KIDINS220: variants seen among roughly 807,000 people sequenced by gnomAD.
KIDINS220 encodes kinase D interacting substrate 220.
Under a neutral mutation model 157.6 loss-of-function variants are expected in KIDINS220, and 63 were observed. That is an observed-to-expected ratio of 0.40 (90% CI 0.33 to 0.49). The LOEUF is 0.49. Among genes scored for constraint, KIDINS220 ranks in the 20% least tolerant of loss-of-function variants. The pLI is 0.66. For missense variants in KIDINS220, 1,772 were observed against 2,171.2 expected (o/e 0.82, Z 3.65); for synonymous variants, 732 against 783.6 (o/e 0.93, Z 1.10).
At chr2:8,826,457 A>G (rs1678823917) in intron 2 of KIDINS220, among the ~76,000 whole-genome samples, 1 of 152,050 alleles carries the variant, frequency 6.6e-6, no homozygotes, top group African/African-American at 2.4e-5. Context: ...AAAACTACAA[A>G]ATTAGCCGAG....
intron 13 of KIDINS220, among the ~76,000 whole-genome samples, chr2:8,790,421 T>C (rs1392065996): frequency 6.6e-6 from 1 of 152,134 alleles, no homozygotes; most frequent in East Asian, 1.9e-4. Flanking sequence ...CATGCAAAAA[T>C]AAAAACTATA....
At chr2:8,789,031 G>A (rs1211071005) in intron 14 of KIDINS220, among the ~76,000 whole-genome samples, 3 of 152,082 alleles carry the variant, frequency 2.0e-5, no homozygotes, top group Non-Finnish European at 4.4e-5. Flanking sequence ...GCCTTAAACA[G>A]AAACATAACT....
intron 10 of KIDINS220, among the ~76,000 whole-genome samples, chr2:8,797,550 C>T (rs1024224779): frequency 3.3e-5 from 5 of 152,144 alleles, no homozygotes; most frequent in Admixed American, 3.3e-4. Flanking sequence ...GAAGTACCAT[C>T]ACTGATTTAG....
At chr2:8,735,102 A>C (rs1481084319) in intron 27 of KIDINS220, among the ~76,000 whole-genome samples, 2 of 152,162 alleles carry the variant, frequency 1.3e-5, no homozygotes, top group African/African-American at 4.8e-5. Flanking sequence ...AGCTGCTGGG[A>C]GGGGACAAAG....
At chr2:8,836,257 C>T (rs1306749971) in intron 1 of KIDINS220, among the ~76,000 whole-genome samples, 3 of 151,712 alleles carry the variant, frequency 2.0e-5, no homozygotes, top group Non-Finnish European at 4.4e-5. Flanking sequence ...TAAGTTATGC[C>T]TCCTCCCTTC....
intron 4 of KIDINS220, 28 bp from the exon 5 acceptor site, chr2:8,813,363 A>G (rs1256519595): frequency 1.4e-6 from 2 of 1,463,258 alleles, no homozygotes; most frequent in Non-Finnish European, 1.9e-6. Flanking sequence ...GGGTAAGGGA[A>G]TCAAACTTTA....
chr2:8,796,956 G>A, intron 10 of KIDINS220, 87 bp from the exon 11 acceptor site: 1 of 960,802 alleles, frequency 1.0e-6, no homozygotes, highest in Non-Finnish European at 1.7e-6. Flanking sequence ...AGAAATATCT[G>A]ACTCTGGTAA....
At position 8,730,984 on chromosome 2, in the gene KIDINS220, A is replaced by T; in HGVS notation, c.5052T>A (p.Thr1684=). 6.2e-7 allele frequency: 1 copy of T among 1,614,186 alleles called. No homozygotes were observed. Among genetic ancestry groups the T allele is most frequent in the Non-Finnish European group, 8.5e-7 (1 of 1,180,044 alleles). The part of the protein sequence containing the change: ...YNLNRTPSTV[T]LNNNSAPANR... ...TGGCTGGAGCACTATTGTTGTTCAGAGTCACGGTGCTGGGAGTTCGGTTCA... is the reference window on the plus strand; with the variant it reads ...TGGCTGGAGCACTATTGTTGTTCAGTGTCACGGTGCTGGGAGTTCGGTTCA... Residue 1684 remains threonine (T), a synonymous_variant, in exon 30 of 30, where the codon ACT becomes ACA. Transcript: ENST00000256707.
chr2:8,805,027 A>G (rs1026027021), intron 7 of KIDINS220, among the ~76,000 whole-genome samples: 3 of 152,206 alleles, frequency 2.0e-5, no homozygotes, highest in African/African-American at 4.8e-5. Context: ...TTGATTTGCT[A>G]GAGCAGTTCA....
chr2:8,755,427 G>GT (rs1667888211), intron 22 of KIDINS220, among the ~76,000 whole-genome samples: 1 of 152,218 alleles, frequency 6.6e-6, no homozygotes. Context: ...AACAAGTTTA[G>GT]TTTTTTCCAC....
At chr2:8,733,828 T>A in intron 28 of KIDINS220, 148 bp from the exon 29 acceptor site, 1 of 585,968 alleles carries the variant, frequency 1.7e-6, no homozygotes, top group Non-Finnish European at 2.9e-6. Context: ...TGAATTTGTT[T>A]TATACATCAG....
intron 22 of KIDINS220, among the ~76,000 whole-genome samples, chr2:8,767,838 A>G (rs1669677585): frequency 6.6e-6 from 1 of 152,230 alleles, no homozygotes; most frequent in African/African-American, 2.4e-5. Flanking sequence ...CAGGTCTATT[A>G]AAGTCATAAA....
intron 1 of KIDINS220, among the ~76,000 whole-genome samples, chr2:8,831,633 T>TC (rs1679638233): frequency 6.6e-6 from 1 of 152,098 alleles, no homozygotes; most frequent in South Asian, 2.1e-4. Context: ...AACTCTCCTC[T>TC]CCATTTTACT....
At chr2:8,746,806 C>T (rs1666647418) in intron 26 of KIDINS220, 1 of 227,098 alleles carries the variant, frequency 4.4e-6, no homozygotes, top group African/African-American at 2.3e-5. Flanking sequence ...CAAAAACAGT[C>T]AAAGGCAAAG....
chr2:8,773,964 A>C (rs1284519888), intron 21 of KIDINS220, among the ~76,000 whole-genome samples: 1 of 152,204 alleles, frequency 6.6e-6, no homozygotes, highest in African/African-American at 2.4e-5. Context: ...TCATTTAACA[A>C]CAGTGTCCTA....
chr2:8,737,185 A>G, intron 26 of KIDINS220, 186 bp from the exon 27 acceptor site: 1 of 546,258 alleles, frequency 1.8e-6, no homozygotes, highest in Non-Finnish European at 3.1e-6. Flanking sequence ...CCTAATGAGT[A>G]GCTTTTATTA....
chr2:8,763,017 C>T (rs751172251), intron 22 of KIDINS220, among the ~76,000 whole-genome samples: 6 of 152,310 alleles, frequency 3.9e-5, no homozygotes, highest in Admixed American at 2.0e-4. Flanking sequence ...AAATTCAACA[C>T]TGCAGAAAAA....
rs769877849 is a variant in KIDINS220 at position 8,796,825 on chromosome 2, A to C, written c.1044T>G (p.Ile348Met). 33 of 1,614,022 alleles carry C rather than the reference A, an allele frequency of 2.0e-5. No homozygotes were observed. Among genetic ancestry groups the C allele is most frequent in the Non-Finnish European group, 2.7e-5 (32 of 1,180,030 alleles). The part of the protein sequence containing the change: ...PLIKATKMRN[I>M]EVVELLLDKG... ...TATCTAGCAGCAGCTCCACCACTTCAATGTTTCTCATCTTGGTAGCCTTTA... is the reference window on the plus strand; with the variant it reads ...TATCTAGCAGCAGCTCCACCACTTCCATGTTTCTCATCTTGGTAGCCTTTA... The change falls in exon 11 of 30, where the codon ATT becomes ATG. Residue 348 changes from isoleucine to methionine, a missense_variant. Ile to Met is a conservative substitution (Grantham distance 10). Transcript: ENST00000256707.
intron 1 of KIDINS220, among the ~76,000 whole-genome samples, chr2:8,830,551 T>G (rs566810206): frequency 6.6e-6 from 1 of 152,312 alleles, no homozygotes; most frequent in South Asian, 2.1e-4. Flanking sequence ...CCTGAGTAGT[T>G]GGGACTACAG....
Sources: gnomAD v4.1 joint callset for allele counts (sites outside exome capture counted in the v4.1 genomes callset) on GRCh38, gnomAD v4.1.1 for gene constraint, MANE v1.5 for transcripts, NCBI Gene and HGNC (gene_info 2026-07-23, HGNC 2026-07-21) for gene names.